The following NUP214 variants were observed in gnomAD, a reference collection of about 807,000 sequenced individuals.
NUP214 encodes nucleoporin 214, also known as nuclear pore complex protein Nup214.
Under a neutral mutation model 196.2 loss-of-function variants are expected in NUP214, and 79 were observed. That is an observed-to-expected ratio of 0.40 (90% CI 0.34 to 0.49). NUP214 has a LOEUF of 0.49. Among genes scored for constraint, NUP214 ranks in the 20% least tolerant of loss-of-function variants. The probability of loss-of-function intolerance (pLI) is 0.58; values close to 1 mark genes in which losing one functional copy is unlikely to be tolerated. For synonymous variants in NUP214, 1,020 were observed against 990.5 expected (o/e 1.03, Z -0.56); for missense variants, 2,468 against 2,539.0 (o/e 0.97, Z 0.60).
chr9:131,189,175 C>G (rs200370722), intron 26 of NUP214, 44 bp downstream of exon 26: 12 of 1,436,254 alleles, frequency 8.4e-6, no homozygotes, highest in Non-Finnish European at 1.2e-5. Flanking sequence ...AAGAAGCACT[C>G]CACAATAGGG....
chr9:131,185,372 T>C (rs1330360342), intron 24 of NUP214, among the ~76,000 whole-genome samples: 2 of 152,246 alleles, frequency 1.3e-5, no homozygotes, highest in East Asian at 3.8e-4. Flanking sequence ...CGCTCATTTC[T>C]GAAGCAGGAA....
chr9:131,138,435 T>C (rs1379245865), intron 9 of NUP214, among the ~76,000 whole-genome samples: 2 of 151,470 alleles, frequency 1.3e-5, no homozygotes, highest in Non-Finnish European at 3.0e-5. Flanking sequence ...CCAGGCTGGT[T>C]TCAAACTCCT....
At position 131,198,673 on chromosome 9, in the gene NUP214, G is replaced by A. The variant is rs368306166; in HGVS notation, c.5179G>A (p.Gly1727Arg). The A allele has an allele frequency of 6.6e-5, 107 of 1,614,070 alleles. No homozygotes were observed. Among genetic ancestry groups the A allele is most frequent in the Non-Finnish European group, 8.3e-5 (98 of 1,180,050 alleles). The change falls in exon 29 of 36, where the codon GGG (glycine) becomes AGG (arginine). Residue 1727 changes from glycine (G) to arginine (R), a missense_variant. Gly to Arg is a moderately radical substitution (Grantham distance 125, BLOSUM62 -2). This residue lies in a region of NUP214 where 1,801 missense variants were observed against 1,779.4 expected (regional missense o/e 1.01). Transcript: ENST00000359428. The part of the protein sequence containing the change: ...APGVFGQTTF[G>R]QASVFGQSAS... ...AGGGGTCTTTGGACAGACAACCTTC[G>A]GGCAGGCCTCAGTCTTTGGGCAGTC...
intron 28 of NUP214, among the ~76,000 whole-genome samples, chr9:131,196,601 C>CT (rs1013273107): frequency 2.0e-5 from 3 of 152,146 alleles, no homozygotes; most frequent in African/African-American, 7.2e-5. Context: ...GGAATTGAGG[C>CT]TCAGAGAGGT....
chr9:131,129,553 G>T (rs1404265071), intron 4 of NUP214, 76 bp downstream of exon 4: 2 of 1,420,006 alleles, frequency 1.4e-6, no homozygotes, highest in African/African-American at 2.8e-5. Flanking sequence ...AGAAGTGAAA[G>T]TGGATAGCTT....
chr9:131,168,630 G>A (rs1302651109), intron 21 of NUP214, among the ~76,000 whole-genome samples: 1 of 152,166 alleles, frequency 6.6e-6, no homozygotes, highest in Non-Finnish European at 1.5e-5. Context: ...CTTTCACTTA[G>A]CATGTTTTTG....
chr9:131,154,852 C>G (rs1226276978), intron 17 of NUP214, among the ~76,000 whole-genome samples: 2 of 152,192 alleles, frequency 1.3e-5, no homozygotes, highest in Non-Finnish European at 2.9e-5. Flanking sequence ...TGCGCACGCG[C>G]ACGCTCGCGT....
At chr9:131,152,574 T>C (rs1832305370) in intron 17 of NUP214, among the ~76,000 whole-genome samples, 1 of 152,088 alleles carries the variant, frequency 6.6e-6, no homozygotes, top group Non-Finnish European at 1.5e-5. Context: ...GTGTTTCTTA[T>C]GCATTATTTC....
intron 12 of NUP214, among the ~76,000 whole-genome samples, chr9:131,145,184 G>A (rs924048253): frequency 6.6e-6 from 1 of 151,992 alleles, no homozygotes; most frequent in Non-Finnish European, 1.5e-5. Context: ...ACTGTAAATT[G>A]TTAGGTGATT....
intron 30 of NUP214, among the ~76,000 whole-genome samples, chr9:131,205,520 A>G (rs1307578993): frequency 6.6e-6 from 1 of 152,226 alleles, no homozygotes; most frequent in Non-Finnish European, 1.5e-5. Context: ...TTTGTTCACC[A>G]AAAGATATTG....
chr9:131,181,243 G>A (rs1833269730), intron 24 of NUP214, among the ~76,000 whole-genome samples: 1 of 152,092 alleles, frequency 6.6e-6, no homozygotes, highest in Non-Finnish European at 1.5e-5. Flanking sequence ...TGAAGAGCGA[G>A]TCAGGGGGGA....
rs763141311 is a variant in NUP214, at chr9:131,198,337, C to T, written c.4843C>T (p.Pro1615Ser). The T allele has an allele frequency of 1.7e-5, 27 of 1,614,218 alleles. 1 individual carries two copies. The South Asian group carries it at 2.9e-4, about 17-fold the overall frequency. Reference protein sequence around the residue: ...GPVAVETSSTPIASSTTSIVA... With the variant: ...GPVAVETSSTSIASSTTSIVA... ...TGTGGCCGTCGAAACATCAAGTACC[C>T]CCATAGCCTCCAGCACCACGTCCAT... Residue 1615 changes from proline to serine, a missense_variant, in exon 29 of 36, where the codon CCC (proline) becomes TCC (serine). Physicochemically the swap from Pro to Ser is moderately conservative, Grantham distance 74. Transcript: ENST00000359428.
Position 131,228,204 on chromosome 9 carries a change from G to A in NUP214, c.5947G>A (p.Gly1983Arg). 11 of 1,603,834 alleles carry A rather than the reference G, an allele frequency of 6.9e-6. No homozygotes were observed. The highest frequency in any genetic ancestry group is 9.4e-6 in the Non-Finnish European group (11 of 1,176,116). Residue 1983 changes from glycine to arginine, a missense_variant, in exon 33 of 36, where the codon GGG (glycine) becomes AGG (arginine). Gly to Arg is a moderately radical substitution (Grantham distance 125, BLOSUM62 -2). Around this residue, in one of 5 missense-constraint regions of NUP214, gnomAD observed 262 missense variants for 296.5 expected, o/e 0.88. Coordinates refer to ENST00000359428, the MANE Select transcript of NUP214 (RefSeq NM_005085.4). Reference sequence around the variant, plus strand: ...AGTGTTTGGCAGCCCTCCTACTTTTGGGGGATCCCCTGGGTTTGGAGGGGT... The same window carrying A: ...AGTGTTTGGCAGCCCTCCTACTTTTAGGGGATCCCCTGGGTTTGGAGGGGT... ...APVFGSPPTFGGSPGFGGVPA... is the reference protein window; with the variant it reads ...APVFGSPPTFRGSPGFGGVPA...
intron 11 of NUP214, among the ~76,000 whole-genome samples, chr9:131,143,441 A>G (rs889386400): frequency 2.6e-5 from 4 of 152,020 alleles, no homozygotes; most frequent in Admixed American, 2.6e-4. Context: ...TTTTTTATAC[A>G]ATGCCAAAAT....
intron 7 of NUP214, 94 bp downstream of exon 7, chr9:131,133,303 T>C (rs1449910060): frequency 1.5e-6 from 1 of 661,144 alleles, no homozygotes; most frequent in Non-Finnish European, 2.3e-6. Flanking sequence ...TTTGTGTTTG[T>C]GTTTTTTTTT....
intron 29 of NUP214, 123 bp from the exon 30 acceptor site, chr9:131,201,524 C>T: frequency 1.5e-6 from 1 of 688,538 alleles, no homozygotes. Flanking sequence ...AAGATCCCAC[C>T]ATTGCACTCC....
chr9:131,148,441 A>G lies in NUP214; in HGVS notation c.2040+857A>G, dbSNP rs1048928913. ...ATGACCGTTCCAGTTGACATCTTCA[A>G]TGAACACATATGCAAGTTTCTCTTG... On this transcript the variant is annotated intron_variant, in intron 14 of 35. Coordinates refer to ENST00000359428, the MANE Select transcript of NUP214 (RefSeq NM_005085.4). Among the ~76,000 whole-genome samples the G allele has an allele frequency of 6.6e-5, 10 of 152,224 alleles. No individual in the cohort carries two copies. In the South Asian group the frequency reaches 8.3e-4, roughly 13 times the overall value.
intron 17 of NUP214, among the ~76,000 whole-genome samples, chr9:131,155,383 G>A (rs764180206): frequency 4.6e-5 from 7 of 152,124 alleles, no homozygotes; most frequent in Non-Finnish European, 8.8e-5. Flanking sequence ...ATAGATTCTG[G>A]ATATTAGTCC....
At chr9:131,221,043 C>CT (rs901085644) in intron 31 of NUP214, among the ~76,000 whole-genome samples, 1 of 152,236 alleles carries the variant, frequency 6.6e-6, no homozygotes, top group Non-Finnish European at 1.5e-5. Flanking sequence ...GTGCAAAAAT[C>CT]TGTTCTTGAA....
Sources: allele counts gnomAD v4.1 joint callset (sites outside exome capture counted in the v4.1 genomes callset), GRCh38; gene constraint gnomAD v4.1.1; regional missense constraint gnomAD v4.1.1; transcripts MANE v1.5; gene names NCBI Gene and HGNC (gene_info 2026-07-23, HGNC 2026-07-21).